The following MYO5A variants were observed in gnomAD, a reference collection of about 807,000 sequenced individuals.
MYO5A encodes unconventional myosin-Va.
MYO5A carries 98 observed loss-of-function variants against 249.7 expected under a neutral mutation model. That is an observed-to-expected ratio of 0.39 (90% CI 0.33 to 0.46). MYO5A has a LOEUF of 0.46. MYO5A is among the 20% of genes least tolerant of loss of function. The pLI, the probability that MYO5A is intolerant of heterozygous loss-of-function variation, is 0.98. For synonymous variants in MYO5A, 778 were observed against 810.6 expected, an observed-to-expected ratio of 0.96 and a Z score of 0.68; for missense variants, 1,696 against 2,308.8, an observed-to-expected ratio of 0.73 and a Z score of 5.44.
chr15:52,360,343 C>G (rs2040456782), intron 24 of MYO5A, among the ~76,000 whole-genome samples: 1 of 152,164 alleles, frequency 6.6e-6, no homozygotes, highest in African/African-American at 2.4e-5. Flanking sequence ...AGTCGAGTCC[C>G]CTTTGGGTGT....
chr15:52,316,526 C>T (rs764888369), intron 40 of MYO5A, among the ~76,000 whole-genome samples: 5 of 152,156 alleles, frequency 3.3e-5, no homozygotes, highest in African/African-American at 9.7e-5. Context: ...CCCTACTGAA[C>T]TGTAAGCTCC....
At chr15:52,321,560 C>T in intron 37 of MYO5A, 51 bp from the exon 38 acceptor site, 1 of 1,587,332 alleles carries the variant, frequency 6.3e-7, no homozygotes. Context: ...CCTGTCTCTT[C>T]AGTTTAACTA....
intron 31 of MYO5A, 81 bp downstream of exon 31, chr15:52,343,036 C>T (rs940296764): frequency 1.8e-6 from 2 of 1,101,662 alleles, no homozygotes; most frequent in African/African-American, 1.5e-5. Flanking sequence ...ACAAGAAATA[C>T]AGGGGTGAAA....
At chr15:52,483,399 G>T (rs938394201) in intron 1 of MYO5A, among the ~76,000 whole-genome samples, 1 of 152,124 alleles carries the variant, frequency 6.6e-6, no homozygotes, top group African/African-American at 2.4e-5. Context: ...TGAAGGGACC[G>T]TGAGTATGGC....
At chr15:52,446,097 C>A (rs1214059139) in intron 1 of MYO5A, among the ~76,000 whole-genome samples, 1 of 152,218 alleles carries the variant, frequency 6.6e-6, no homozygotes, top group East Asian at 1.9e-4. Context: ...GTGCTAACAG[C>A]CAAGTCAATG....
intron 1 of MYO5A, among the ~76,000 whole-genome samples, chr15:52,509,792 C>T (rs941524393): frequency 1.3e-5 from 2 of 151,914 alleles, no homozygotes; most frequent in Admixed American, 6.6e-5. Flanking sequence ...GAATGATTCA[C>T]GTTGAAATCA....
chr15:52,453,061 C>T (rs1185728151), intron 1 of MYO5A, among the ~76,000 whole-genome samples: 1 of 151,610 alleles, frequency 6.6e-6, no homozygotes, highest in Non-Finnish European at 1.5e-5. Context: ...ATATAAATAT[C>T]CAGGTATAGG....
At chr15:52,505,903 AG>A in intron 1 of MYO5A, 1 of 1,535,996 alleles carries the variant, frequency 6.5e-7, no homozygotes, top group Non-Finnish European at 8.7e-7. Flanking sequence ...AAAGCTTGAA[AG>A]ATTAAAAAAA....
rs200331531 is a variant in MYO5A at position 52,405,311 on chromosome 15, T to G, written c.1029A>C (p.Arg343=). 54 of 1,613,364 alleles carry G rather than the reference T, an allele frequency of 3.3e-5. No individual in the cohort carries two copies. The East Asian group carries it at 4.5e-4, about 13-fold the overall frequency. The change falls in exon 9 of 42, where the codon CGA becomes CGC. Residue 343 remains arginine, a synonymous_variant. Coordinates refer to ENST00000399233, the MANE Select transcript of MYO5A (RefSeq NM_001382347.1). ...CAGGTATTGTGCAGCTGTCTGCATC[T>G]CGGGATGTAAATCCAACATTGCCTA... ...LHLGNVGFTS[R]DADSCTIPPK...
In MYO5A at chr15:52,385,873, G is replaced by A. The variant is rs915610162; in HGVS notation, c.1753-1551C>T. On this transcript the variant is annotated intron_variant, in intron 14 of 41. Transcript: ENST00000399233. ...AGCTATGTTAGGTAAATCACACACT[G>A]TCCCCACTTCAATGGAAACAATGTT... is the stretch of plus-strand genomic sequence containing the variant. 3.9e-5 allele frequency among the ~76,000 whole-genome samples: 6 copies of A among 152,218 alleles called. No homozygotes were observed. In the South Asian group the frequency reaches 1.0e-3, roughly 26 times the overall value.
chr15:52,486,850 T>G (rs2076831408), intron 1 of MYO5A, among the ~76,000 whole-genome samples: 1 of 152,070 alleles, frequency 6.6e-6, no homozygotes, highest in South Asian at 2.1e-4. Context: ...CAACTGAGGC[T>G]CTATAGAAGA....
At chr15:52,515,499 C>A (rs1272055126) in intron 1 of MYO5A, among the ~76,000 whole-genome samples, 1 of 152,178 alleles carries the variant, frequency 6.6e-6, no homozygotes, top group Non-Finnish European at 1.5e-5. Context: ...GCTAACATTT[C>A]TTAAATATGT....
intron 25 of MYO5A, among the ~76,000 whole-genome samples, chr15:52,355,187 T>G (rs2040156757): frequency 6.6e-6 from 1 of 152,214 alleles, no homozygotes; most frequent in African/African-American, 2.4e-5. Flanking sequence ...ATAAATATAT[T>G]GAGATCACAC....
chr15:52,386,242 G>A lies in MYO5A; in HGVS notation c.1752+1587C>T, dbSNP rs892994626. ...AAGGATCACCTGAGCCAGGGAGGTCGAGGCTGCAGTGAGCCCTATGATCAT... is the reference window on the plus strand; with the variant it reads ...AAGGATCACCTGAGCCAGGGAGGTCAAGGCTGCAGTGAGCCCTATGATCAT... On this transcript the variant is annotated intron_variant, in intron 14 of 41. Coordinates refer to ENST00000399233, the MANE Select transcript of MYO5A (RefSeq NM_001382347.1). Among the ~76,000 whole-genome samples the A allele has an allele frequency of 7.2e-5, 11 of 152,030 alleles. No homozygotes were observed. In the East Asian group the frequency reaches 1.5e-3, roughly 21 times the overall value.
In MYO5A at chr15:52,396,343, A is replaced by G; in HGVS notation, c.1374T>C (p.Asn458=). Residue 458 remains asparagine, a synonymous_variant, in exon 11 of 42, where the codon AAT becomes AAC. Coordinates refer to ENST00000399233, the MANE Select transcript of MYO5A (RefSeq NM_001382347.1). ...TATTGAATTGTTGCTGTAGTTTTTC[A>G]TTTGCATAATTTATGCAAAACTGTT... ...SFEQFCINYA[N]EKLQQQFNMH... 1 of 1,562,290 alleles carries G rather than the reference A, an allele frequency of 6.4e-7. No homozygotes were observed. The highest frequency in any genetic ancestry group is 8.8e-7 in the Non-Finnish European group (1 of 1,135,932).
chr15:52,451,192 C>T (rs2076013760), intron 1 of MYO5A, among the ~76,000 whole-genome samples: 1 of 152,122 alleles, frequency 6.6e-6, no homozygotes, highest in Non-Finnish European at 1.5e-5. Flanking sequence ...ACAGGCACCT[C>T]TACGCAGATA....
In MYO5A at chr15:52,377,378, C is replaced by T. The variant is rs567932970; in HGVS notation, c.2209-820G>A. On this transcript the variant is annotated intron_variant, in intron 18 of 41. Coordinates refer to ENST00000399233, the MANE Select transcript of MYO5A (RefSeq NM_001382347.1). ...TGGAGGTTGCAGTGAGCCAAGATCG[C>T]GCCACTGCACTCCAGCCTAGCAACA... is the stretch of plus-strand genomic sequence containing the variant. Among the ~76,000 whole-genome samples, 8 of 151,452 alleles carry T rather than the reference C, an allele frequency of 5.3e-5. No individual in the cohort carries two copies. The East Asian group carries it at 7.8e-4, about 15-fold the overall frequency.
intron 1 of MYO5A, among the ~76,000 whole-genome samples, chr15:52,475,794 T>A (rs1403044048): frequency 2.0e-5 from 3 of 152,270 alleles, no homozygotes; most frequent in East Asian, 1.9e-4. Context: ...TGCTGAGGAG[T>A]GCTTTACTTC....
Position 52,353,531 on chromosome 15 carries a change from GAA to G in MYO5A, c.3621+72_3621+73del, listed in dbSNP as rs2040055038. ...TCCAACCCTTAAGGATGTTCTCTGA[GAA>G]AAAGAGAGGCTCTGAATGGGCCTCT... On this transcript the variant is annotated intron_variant, in intron 27 of 41. Transcript: ENST00000399233. 5.4e-6 allele frequency: 7 copies of G among 1,294,484 alleles called. No homozygotes were observed. The South Asian group carries it at 7.1e-5, about 13-fold the overall frequency. 80.2% of individuals were successfully genotyped at this position (1,294,484 alleles called of 1,614,324 possible).
Sources: gnomAD v4.1 joint callset for allele counts (sites outside exome capture counted in the v4.1 genomes callset) on GRCh38, gnomAD v4.1.1 for gene constraint, MANE v1.5 for transcripts, NCBI Gene and HGNC (gene_info 2026-07-23, HGNC 2026-07-21) for gene names.